CDH23: variants seen among roughly 807,000 people sequenced by gnomAD.
CDH23 encodes the protein cadherin-23.
Under a neutral mutation model 317.1 loss-of-function variants are expected in CDH23, and 189 were observed. That is an observed-to-expected ratio of 0.60 (90% CI 0.53 to 0.67). The LOEUF (loss-of-function observed/expected upper bound fraction) is 0.67, where lower values mean the gene tolerates loss of function less well. Ranked by LOEUF, CDH23 falls within the 30% of genes least tolerant of loss-of-function variation. The pLI is 0.00. For missense variants in CDH23, 4,401 were observed against 4,592.4 expected (o/e 0.96, Z 1.20); for synonymous variants, 1,839 against 1,876.8 (o/e 0.98, Z 0.52).
chr10:71,813,203 G>A (rs1842001277), intron 68 of CDH23, 41 bp from the exon 69 acceptor site: 2 of 1,530,548 alleles, frequency 1.3e-6, no homozygotes, highest in African/African-American at 1.4e-5. Flanking sequence ...GGGGCAGGCA[G>A]GGGAGGGCCT....
intron 3 of CDH23, among the ~76,000 whole-genome samples, chr10:71,447,502 G>T (rs1850229624): frequency 6.6e-6 from 1 of 152,094 alleles, no homozygotes; most frequent in Admixed American, 6.5e-5. Flanking sequence ...TGTGTGTCTG[G>T]CTGTTTGTTG....
At chr10:71,738,154 C>A (rs770615531) in intron 34 of CDH23, among the ~76,000 whole-genome samples, 1 of 152,222 alleles carries the variant, frequency 6.6e-6, no homozygotes, top group African/African-American at 2.4e-5. Context: ...TTTGCTCATG[C>A]TAGACCAGCA....
chr10:71,778,388 G>A (rs540395392), intron 40 of CDH23, 80 bp downstream of exon 40: 3 of 1,561,418 alleles, frequency 1.9e-6, no homozygotes, highest in East Asian at 2.3e-5. Context: ...ATGCGGGAAG[G>A]GGTTAGGGGA....
chr10:71,589,768 G>A (rs78838051), intron 9 of CDH23, among the ~76,000 whole-genome samples: 3,397 of 152,292 alleles, frequency 0.022, 224 homozygotes, highest in East Asian at 0.19. Flanking sequence ...TCTCCTGCAC[G>A]TTGGAACCCA....
intron 1 of CDH23, among the ~76,000 whole-genome samples, chr10:71,402,096 C>A (rs890104500): frequency 3.9e-5 from 6 of 152,296 alleles, no homozygotes; most frequent in African/African-American, 1.4e-4. Context: ...GTGGGGTGGG[C>A]CGCTGCTGCC....
intron 3 of CDH23, among the ~76,000 whole-genome samples, chr10:71,498,962 T>G (rs1853127104): frequency 6.6e-6 from 1 of 152,222 alleles, no homozygotes; most frequent in Admixed American, 6.5e-5. Context: ...CCTCCCATGC[T>G]TATTGCGGCA....
chr10:71,408,375 G>C (rs1421727650), intron 1 of CDH23, among the ~76,000 whole-genome samples: 1 of 151,794 alleles, frequency 6.6e-6, no homozygotes, highest in Non-Finnish European at 1.5e-5. Flanking sequence ...GAAGAAGAGA[G>C]AGAGAGAGAG....
chr10:71,724,204 AC>A, intron 29 of CDH23, 99 bp downstream of exon 29: 3 of 1,307,110 alleles, frequency 2.3e-6, no homozygotes, highest in Non-Finnish European at 3.2e-6. Context: ...GGCCAAGAGA[AC>A]CCCCAGGGCC....
At chr10:71,470,558 C>A (rs962752953) in intron 3 of CDH23, among the ~76,000 whole-genome samples, 1 of 151,876 alleles carries the variant, frequency 6.6e-6, no homozygotes, top group Non-Finnish European at 1.5e-5. Flanking sequence ...AGCACCATCA[C>A]GGCCCACTTC....
Position 71,482,919 on chromosome 10 carries a change from A to T in CDH23, c.146-27163A>T, listed in dbSNP as rs1852145823. On this transcript the variant is annotated intron_variant, in intron 3 of 69. Transcript: ENST00000224721. ...CCAGGCAACAGAAAGCGTGCCCATT[A>T]ATCTGTAGAGCAGTTTTTCTCTGTG... Among the ~76,000 whole-genome samples the T allele has an allele frequency of 2.0e-5, 3 of 152,164 alleles. No homozygotes were observed. In the South Asian group the frequency reaches 6.2e-4, roughly 32 times the overall value.
At chr10:71,448,510 G>T (rs1850280472) in intron 3 of CDH23, among the ~76,000 whole-genome samples, 1 of 152,192 alleles carries the variant, frequency 6.6e-6, no homozygotes, top group Non-Finnish European at 1.5e-5. Context: ...TCTAGGCAGG[G>T]GGTGGGTGCG....
chr10:71,611,834 T>C (rs1371122093), intron 9 of CDH23, among the ~76,000 whole-genome samples: 1 of 152,246 alleles, frequency 6.6e-6, no homozygotes, highest in Non-Finnish European at 1.5e-5. Context: ...AGACAATTCA[T>C]ATGAGACTGA....
chr10:71,673,760 A>G (rs934677626), intron 14 of CDH23, among the ~76,000 whole-genome samples: 1 of 152,072 alleles, frequency 6.6e-6, no homozygotes, highest in Non-Finnish European at 1.5e-5. Context: ...AATAGTACCT[A>G]CCTCACAGGG....
chr10:71,680,810 C>CTTTTTTTTT (rs562449159), intron 17 of CDH23, among the ~76,000 whole-genome samples: 1 of 100,564 alleles, frequency 9.9e-6, no homozygotes, highest in Non-Finnish European at 1.8e-5. Context: ...CTCTGTCTTT[C>CTTTTTTTTT]TTTTTTTTTT....
At chr10:71,434,072 G>A (rs868002405) in intron 1 of CDH23, among the ~76,000 whole-genome samples, 20 of 151,986 alleles carry the variant, frequency 1.3e-4, no homozygotes, top group African/African-American at 4.6e-4. Context: ...TTCCAGCCAC[G>A]CTGGCCTCCT....
chr10:71,482,767 C>T (rs1249199236), intron 3 of CDH23, among the ~76,000 whole-genome samples: 2 of 152,142 alleles, frequency 1.3e-5, no homozygotes, highest in African/African-American at 4.8e-5. Flanking sequence ...GTGGCTCATC[C>T]GGAGGAAGCA....
In CDH23 at chr10:71,708,975, C is replaced by T; in HGVS notation, c.3107-123C>T. The T allele has an allele frequency of 2.3e-6, 2 of 869,460 alleles. 1 individual carries two copies. Among genetic ancestry groups the T allele is most frequent in the Middle Eastern group, 6.5e-4 (2 of 3,076 alleles). The allele number at this position is 869,460 out of a possible 1,614,324, so 53.9% of individuals were successfully genotyped here. On this transcript the variant is annotated intron_variant, in intron 26 of 69. Transcript: ENST00000224721. Reference sequence around the variant, plus strand: ...CAGAGCACCTCAGGCAGGGCCGAATCAGCAGCACAGCCTCCCACTCCTGGA... The same window carrying T: ...CAGAGCACCTCAGGCAGGGCCGAATTAGCAGCACAGCCTCCCACTCCTGGA...
rs762475648 is a variant in CDH23 at position 71,815,100 on chromosome 10, A to G, written c.9887A>G (p.Asp3296Gly). 6.2e-7 allele frequency: 1 copy of G among 1,611,230 alleles called. No individual in the cohort carries two copies. Reference sequence around the variant, plus strand: ...AGCACGGGCACGCTGCTGGCCACCGACCTCAACAGCCTGCCCGAGGAAGAC... The same window carrying G: ...AGCACGGGCACGCTGCTGGCCACCGGCCTCAACAGCCTGCCCGAGGAAGAC... ...HGSTGTLLATDLNSLPEEDQK... is the reference protein window; with the variant it reads ...HGSTGTLLATGLNSLPEEDQK... Residue 3296 changes from aspartate to glycine, a missense_variant, in exon 70 of 70, where the codon GAC (aspartate) becomes GGC (glycine). Physicochemically the swap from Asp to Gly is moderately conservative, Grantham distance 94. Coordinates refer to ENST00000224721, the MANE Select transcript of CDH23 (RefSeq NM_022124.6).
At chr10:71,627,845 T>G (rs1486346220) in intron 11 of CDH23, among the ~76,000 whole-genome samples, 1 of 152,184 alleles carries the variant, frequency 6.6e-6, no homozygotes, top group Non-Finnish European at 1.5e-5. Context: ...CTCAAAGCAG[T>G]GGCGGGGCTT....
Sources: allele counts gnomAD v4.1 joint callset (sites outside exome capture counted in the v4.1 genomes callset), GRCh38; gene constraint gnomAD v4.1.1; transcripts MANE v1.5; gene names NCBI Gene and HGNC (gene_info 2026-07-23, HGNC 2026-07-21).